Variants in EPAS1 observed in about 807,000 individuals in gnomAD.
EPAS1 encodes endothelial PAS domain-containing protein 1.
A neutral mutation model predicts 87.9 loss-of-function variants in EPAS1; 23 were observed. The observed-to-expected ratio is 0.26, with a 90% CI of 0.19 to 0.37. The LOEUF (loss-of-function observed/expected upper bound fraction) is 0.37, where lower values mean the gene tolerates loss of function less well. EPAS1 is among the 10% of genes least tolerant of loss of function. The pLI, the probability that EPAS1 is intolerant of heterozygous loss-of-function variation, is 1.00. For synonymous variants in EPAS1, 508 were observed against 444.3 expected, an observed-to-expected ratio of 1.14 and a Z score of -1.80; for missense variants, 1,138 against 1,120.7, an observed-to-expected ratio of 1.02 and a Z score of -0.22.
chr2:46,382,565 G>C lies in EPAS1; in HGVS notation c.2428G>C (p.Asp810His). The change falls in exon 15 of 16, where the codon GAC (aspartate) becomes CAC (histidine). Residue 810 changes from aspartate (D) to histidine (H), a missense_variant. By Grantham distance (81) the Asp-to-His change is moderately conservative. Around this residue, in one of 4 missense-constraint regions of EPAS1, gnomAD observed 502 missense variants for 427.1 expected, o/e 1.18. Transcript: ENST00000263734. ...PPQCYATQYQ[D>H]YSLSSAHKVS... is the part of the protein sequence containing the mutation. ...ACAGTGCTACGCCACCCAGTACCAG[G>C]ACTACAGCCTGTCGTCAGCCCACAA... The C allele has an allele frequency of 6.2e-7, 1 of 1,614,146 alleles. No individual in the cohort carries two copies. The highest frequency in any genetic ancestry group is 8.5e-7 in the Non-Finnish European group (1 of 1,180,044).
chr2:46,378,107 C>T lies in EPAS1; in HGVS notation c.1443+20C>T, dbSNP rs1203068958. The T allele has an allele frequency of 8.2e-6, 13 of 1,581,980 alleles. No homozygotes were observed. The East Asian group carries it at 1.4e-4, about 17-fold the overall frequency. Reference sequence around the variant, plus strand: ...TCCACGGTGAGCAGCCCTCTTATGGCGAGGACACAGAGAGGGCTCCGTATG... The same window carrying T: ...TCCACGGTGAGCAGCCCTCTTATGGTGAGGACACAGAGAGGGCTCCGTATG... On this transcript the variant is annotated intron_variant, in intron 10 of 15. Transcript: ENST00000263734.
chr2:46,341,740 CTA>C (rs1361571011), intron 1 of EPAS1, among the ~76,000 whole-genome samples: 22 of 152,278 alleles, frequency 1.4e-4, no homozygotes, highest in East Asian at 3.9e-4. Context: ...GCCTGGAAAT[CTA>C]TGTTTTCATA....
intron 11 of EPAS1, chr2:46,379,634 CCTGCT>C (rs201538296): frequency 0.39 from 63,254 of 163,550 alleles, 13,333 homozygotes; most frequent in Non-Finnish European, 0.49. Flanking sequence ...CTTGTATTCC[CCTGCT>C]TGTATCATGC....
At chr2:46,301,736 C>T (rs771840604) in intron 1 of EPAS1, among the ~76,000 whole-genome samples, 1 of 151,556 alleles carries the variant, frequency 6.6e-6, no homozygotes, top group Non-Finnish European at 1.5e-5. Context: ...TCTCAAACCG[C>T]TGAACCTTAT....
In EPAS1 at chr2:46,379,030, T is replaced by TA. The variant is rs1003554288; in HGVS notation, c.1554+264dup. Among the ~76,000 whole-genome samples the TA allele has an allele frequency of 1.6e-4, 25 of 152,210 alleles. 1 individual carries two copies. The highest frequency in any genetic ancestry group is 6.0e-4 in the African/African-American group (25 of 41,450). ...TTAGCACACATGAAAACCGAAATGA[T>TA]ACCACTGCACCTTTCTTTAAACAGG... On this transcript the variant is annotated intron_variant, in intron 11 of 15. Transcript: ENST00000263734.
At chr2:46,342,631 G>A (rs73926265) in intron 1 of EPAS1, among the ~76,000 whole-genome samples, 2,695 of 152,240 alleles carry the variant, frequency 0.018, 79 homozygotes, top group African/African-American at 0.06. Context: ...AGACATCTTG[G>A]GGCCTCACTC....
In EPAS1 at chr2:46,336,862, A is replaced by G. The variant is rs552271491; in HGVS notation, c.27-10011A>G. 5.3e-5 allele frequency among the ~76,000 whole-genome samples: 8 copies of G among 152,330 alleles called. No homozygotes were observed. The East Asian group carries it at 1.4e-3, about 26-fold the overall frequency. ...TCCCTGGGTGATTCCTGGCCACAGC[A>G]AAGGTTGGGAAGTGCTGCTCTGGGT... On this transcript the variant is annotated intron_variant, in intron 1 of 15. Coordinates refer to ENST00000263734, the MANE Select transcript of EPAS1 (RefSeq NM_001430.5).
chr2:46,323,371 T>C (rs1276205155), intron 1 of EPAS1, among the ~76,000 whole-genome samples: 1 of 152,254 alleles, frequency 6.6e-6, no homozygotes, highest in Non-Finnish European at 1.5e-5. Flanking sequence ...GGCAACTGTG[T>C]CCACACCTGA....
At chr2:46,304,606 T>C (rs1422752856) in intron 1 of EPAS1, among the ~76,000 whole-genome samples, 1 of 152,174 alleles carries the variant, frequency 6.6e-6, no homozygotes, top group Non-Finnish European at 1.5e-5. Flanking sequence ...TCCTTGAATT[T>C]CTTATTTTTC....
At chr2:46,358,530 A>G (rs891741000) in intron 4 of EPAS1, among the ~76,000 whole-genome samples, 9 of 152,226 alleles carry the variant, frequency 5.9e-5, no homozygotes, top group African/African-American at 2.2e-4. Context: ...GCCACTGACC[A>G]TAGTCTGAGT....
chr2:46,382,676 G>C, intron 15 of EPAS1, 78 bp downstream of exon 15: 2 of 1,564,732 alleles, frequency 1.3e-6, no homozygotes, highest in South Asian at 1.1e-5. Flanking sequence ...TTTTTCCAGC[G>C]TCTGCACAGT....
intron 7 of EPAS1, among the ~76,000 whole-genome samples, chr2:46,373,882 T>C (rs1684677920): frequency 6.6e-6 from 1 of 152,236 alleles, no homozygotes; most frequent in Non-Finnish European, 1.5e-5. Context: ...GAGGTGGTCT[T>C]TCAGCAAATG....
rs1236384042 is a variant in EPAS1 at position 46,378,031 on chromosome 2, G to A, written c.1387G>A (p.Ala463Thr). The change falls in exon 10 of 16, where the codon GCT (alanine) becomes ACT (threonine). Residue 463 changes from alanine to threonine, a missense_variant. Physicochemically the swap from Ala to Thr is moderately conservative, Grantham distance 58 (BLOSUM62 0). Coordinates refer to ENST00000263734, the MANE Select transcript of EPAS1 (RefSeq NM_001430.5). Reference protein sequence around the residue: ...SLPAFTVPQAAAPGSTTPSAT... With the variant: ...SLPAFTVPQATAPGSTTPSAT... ...GCCTGCCTTCACCGTGCCCCAGGCA[G>A]CTGCCCCGGGCAGCACCACCCCCAG... 1.2e-5 allele frequency: 20 copies of A among 1,604,702 alleles called. No homozygotes were observed. The highest frequency in any genetic ancestry group is 1.7e-5 in the Admixed American group (1 of 59,260).
chr2:46,360,905 G>C lies in EPAS1; in HGVS notation c.594G>C (p.Gln198His). ...CTCAGGTCTTGCACTGCACGGGCCA[G>C]GTGAAAGTCTACAACAACTGCCCTC... Reference protein sequence around the residue: ...ATWKVLHCTGQVKVYNNCPPH... With the variant: ...ATWKVLHCTGHVKVYNNCPPH... The change falls in exon 6 of 16, where the codon CAG becomes CAC. Residue 198 changes from glutamine (Q) to histidine (H), a missense_variant. Physicochemically the swap from Gln to His is conservative, Grantham distance 24 (BLOSUM62 0). Coordinates refer to ENST00000263734, the MANE Select transcript of EPAS1 (RefSeq NM_001430.5). This position sits in a 1 kb window ranked among gnomAD's most constrained non-coding sequence, Gnocchi z 4.5. 2 of 1,614,176 alleles carry C rather than the reference G, an allele frequency of 1.2e-6. No homozygotes were observed. Among genetic ancestry groups the C allele is most frequent in the Non-Finnish European group, 1.7e-6 (2 of 1,180,020 alleles).
chr2:46,326,960 A>G (rs1031405928), intron 1 of EPAS1, among the ~76,000 whole-genome samples: 1 of 152,192 alleles, frequency 6.6e-6, no homozygotes, highest in Non-Finnish European at 1.5e-5. Context: ...GAAGTCACTT[A>G]AACACATTGT....
chr2:46,375,588 GT>G lies in EPAS1; in HGVS notation c.887-100del. ...ACTGTCGTGGCGCCCTGTTCTGTCT[GT>G]TCCCCTGCAGATTAGACTGCCCTCC... On this transcript the variant is annotated intron_variant, in intron 7 of 15. Coordinates refer to ENST00000263734, the MANE Select transcript of EPAS1 (RefSeq NM_001430.5). The surrounding 1 kb of genome is among the most constrained non-coding windows in gnomAD (Gnocchi z 4.1). 1 of 1,447,226 alleles carries G rather than the reference GT, an allele frequency of 6.9e-7. No individual in the cohort carries two copies. The highest frequency in any genetic ancestry group is 9.5e-7 in the Non-Finnish European group (1 of 1,053,574). 89.6% of individuals were successfully genotyped at this position (1,447,226 alleles called of 1,614,324 possible).
chr2:46,310,869 C>T (rs2104841747), intron 1 of EPAS1, among the ~76,000 whole-genome samples: 1 of 151,762 alleles, frequency 6.6e-6, no homozygotes, highest in East Asian at 2.0e-4. Flanking sequence ...CTCACAATGA[C>T]AACTGCGTGT....
At chr2:46,317,661 GGGATTGACTTCTCCCC>G (rs1683369160) in intron 1 of EPAS1, among the ~76,000 whole-genome samples, 4 of 152,170 alleles carry the variant, frequency 2.6e-5, no homozygotes, top group Admixed American at 1.3e-4. Flanking sequence ...TTTGAAACTA[GGGATTGACTTCTCCCC>G]TCTTGCAGTG....
At chr2:46,357,215 G>A (rs1416963830) in intron 4 of EPAS1, among the ~76,000 whole-genome samples, 2 of 152,202 alleles carry the variant, frequency 1.3e-5, no homozygotes, top group Non-Finnish European at 2.9e-5. Flanking sequence ...ATAGGGCTTT[G>A]ATGATTATCT....
Sources: allele counts gnomAD v4.1 joint callset (sites outside exome capture counted in the v4.1 genomes callset), GRCh38; gene constraint gnomAD v4.1.1; regional missense constraint gnomAD v4.1.1; non-coding constraint Gnocchi (gnomAD v3.1); transcripts MANE v1.5; gene names NCBI Gene and HGNC (gene_info 2026-07-23, HGNC 2026-07-21).